The following GNAZ variants were observed in gnomAD, a reference collection of about 807,000 sequenced individuals.
GNAZ encodes guanine nucleotide-binding protein G(z) subunit alpha.
GNAZ carries 3 observed loss-of-function variants against 25.4 expected under a neutral mutation model. That is an observed-to-expected ratio of 0.12 (90% confidence interval 0.05 to 0.30). The LOEUF is 0.30. Among genes scored for constraint, GNAZ ranks in the 10% least tolerant of loss-of-function variants. The pLI is 1.00. For missense variants in GNAZ, 241 were observed against 501.8 expected (o/e 0.48, Z 4.97); for synonymous variants, 211 against 205.7 (o/e 1.03, Z -0.22).
intron 1 of GNAZ, among the ~76,000 whole-genome samples, chr22:23,090,404 C>G (rs1601780902): frequency 6.6e-6 from 1 of 152,144 alleles, no homozygotes; most frequent in African/African-American, 2.4e-5. Context: ...TGTTGCTCCC[C>G]TTTTATCACC....
chr22:23,083,634 C>T (rs1601767086), intron 1 of GNAZ, among the ~76,000 whole-genome samples: 1 of 152,114 alleles, frequency 6.6e-6, no homozygotes, highest in Non-Finnish European at 1.5e-5. Flanking sequence ...AAACCACACA[C>T]AAGCCATTGG....
intron 1 of GNAZ, among the ~76,000 whole-genome samples, chr22:23,086,976 G>A (rs1456487331): frequency 2.6e-5 from 4 of 152,240 alleles, no homozygotes; most frequent in Admixed American, 2.6e-4. Flanking sequence ...CTTGTCAGCT[G>A]GAAGCACATG....
chr22:23,101,955 T>TG (rs1409340813), intron 2 of GNAZ, among the ~76,000 whole-genome samples: 2 of 152,208 alleles, frequency 1.3e-5, no homozygotes, highest in African/African-American at 4.8e-5. Flanking sequence ...TCTCTAAGCT[T>TG]GGCCTGGCTT....
rs772102741 is a variant in GNAZ at position 23,096,434 on chromosome 22, G to A, written c.723+16G>A. ...TAACCAGACAGTAAGTGGGGCCGGGGGTTTTCCTCTGCTTGTTCCTGCTGT... is the reference window on the plus strand; with the variant it reads ...TAACCAGACAGTAAGTGGGGCCGGGAGTTTTCCTCTGCTTGTTCCTGCTGT... On this transcript the variant is annotated intron_variant, in intron 2 of 2. Transcript: ENST00000615612. 1.3e-6 allele frequency: 2 copies of A among 1,585,928 alleles called. No homozygotes were observed. Among genetic ancestry groups the A allele is most frequent in the East Asian group, 2.2e-5 (1 of 44,672 alleles).
intron 1 of GNAZ, among the ~76,000 whole-genome samples, chr22:23,077,862 T>C (rs2068549270): frequency 6.6e-6 from 1 of 152,140 alleles, no homozygotes; most frequent in African/African-American, 2.4e-5. Flanking sequence ...GAACTGGTGG[T>C]ACCTCACCCC....
chr22:23,093,111 A>G (rs994407153), intron 1 of GNAZ, among the ~76,000 whole-genome samples: 10 of 152,226 alleles, frequency 6.6e-5, no homozygotes, highest in African/African-American at 2.4e-4. Flanking sequence ...TATTACACAT[A>G]TCATGTACAT....
intron 1 of GNAZ, among the ~76,000 whole-genome samples, chr22:23,077,699 C>A (rs562832008): frequency 1.3e-5 from 2 of 152,070 alleles, no homozygotes; most frequent in Non-Finnish European, 2.9e-5. Context: ...CTGACCTTGG[C>A]TATGGAGCAG....
chr22:23,105,048 T>C (rs1196307890), intron 2 of GNAZ, among the ~76,000 whole-genome samples: 1 of 152,244 alleles, frequency 6.6e-6, no homozygotes, highest in Non-Finnish European at 1.5e-5. Context: ...TCACACCTCG[T>C]GGTGGACATG....
intron 1 of GNAZ, among the ~76,000 whole-genome samples, chr22:23,086,017 G>A (rs1004218485): frequency 1.3e-5 from 2 of 152,220 alleles, no homozygotes; most frequent in Non-Finnish European, 1.5e-5. Flanking sequence ...GCAGGGTCCC[G>A]CCCCTGGCTA....
chr22:23,079,995 A>C (rs2068630751), intron 1 of GNAZ, among the ~76,000 whole-genome samples: 1 of 152,116 alleles, frequency 6.6e-6, no homozygotes, highest in African/African-American at 2.4e-5. Flanking sequence ...TCCCCACTCA[A>C]GTGAGGGTTT....
chr22:23,107,290 T>C (rs553574004), intron 2 of GNAZ, among the ~76,000 whole-genome samples: 12 of 152,264 alleles, frequency 7.9e-5, no homozygotes, highest in African/African-American at 2.6e-4. Context: ...GCCCCATCTG[T>C]CGCTGGCCTG....
In GNAZ at chr22:23,096,115, C is replaced by T. The variant is rs148283734; in HGVS notation, c.420C>T (p.Cys140=). 5 of 1,611,388 alleles carry T rather than the reference C, an allele frequency of 3.1e-6. No homozygotes were observed. The African/African-American group carries it at 6.7e-5, about 21-fold the overall frequency. ...GGGCCGACCCAGGGGCACAGGCCTG[C>T]TTCAGCCGCTCCAGCGAGTACCACC... ...RLWADPGAQA[C]FSRSSEYHLE... Residue 140 remains cysteine (C), a synonymous_variant, in exon 2 of 3, where the codon TGC becomes TGT. Coordinates refer to ENST00000615612, the MANE Select transcript of GNAZ (RefSeq NM_002073.4).
At chr22:23,078,489 A>C (rs79980463) in intron 1 of GNAZ, among the ~76,000 whole-genome samples, 5 of 113,936 alleles carry the variant, frequency 4.4e-5, no homozygotes, top group African/African-American at 9.3e-5. Flanking sequence ...TGACACCCCC[A>C]TCTCTGTCGT....
intron 2 of GNAZ, among the ~76,000 whole-genome samples, chr22:23,102,171 C>T (rs766535733): frequency 1.3e-5 from 2 of 152,228 alleles, no homozygotes; most frequent in Non-Finnish European, 2.9e-5. Context: ...ACTGGGGCTG[C>T]GGCCACCTCA....
intron 2 of GNAZ, among the ~76,000 whole-genome samples, chr22:23,104,412 G>T (rs2069399109): frequency 6.6e-6 from 1 of 152,162 alleles, no homozygotes; most frequent in South Asian, 2.1e-4. Flanking sequence ...ATGATACCCT[G>T]TCTGAACTGT....
chr22:23,087,875 G>A (rs768199298), intron 1 of GNAZ, among the ~76,000 whole-genome samples: 58 of 152,220 alleles, frequency 3.8e-4, no homozygotes, highest in Non-Finnish European at 6.6e-4. Context: ...GAGCAGTTTA[G>A]GGAGGGTCAG....
At chr22:23,116,374 G>A (rs765424617) in intron 2 of GNAZ, among the ~76,000 whole-genome samples, 1 of 152,266 alleles carries the variant, frequency 6.6e-6, no homozygotes, top group Non-Finnish European at 1.5e-5. Flanking sequence ...AGGGGATGAC[G>A]TGGCTACGCG....
At chr22:23,084,057 C>T (rs1313867068) in intron 1 of GNAZ, among the ~76,000 whole-genome samples, 1 of 152,162 alleles carries the variant, frequency 6.6e-6, no homozygotes, top group Admixed American at 6.5e-5. Context: ...GTGAGCTATG[C>T]AGGCGATCTT....
chr22:23,076,643 AG>A (rs1302549249), intron 1 of GNAZ, among the ~76,000 whole-genome samples: 1 of 152,224 alleles, frequency 6.6e-6, no homozygotes, highest in East Asian at 1.9e-4. Context: ...CGGGCCACTC[AG>A]TGATGCAATG....
Sources: allele counts gnomAD v4.1 joint callset (sites outside exome capture counted in the v4.1 genomes callset), GRCh38; gene constraint gnomAD v4.1.1; transcripts MANE v1.5; gene names NCBI Gene and HGNC (gene_info 2026-07-23, HGNC 2026-07-21).